Variants in KIF13B observed in about 807,000 individuals in gnomAD.
KIF13B encodes the protein kinesin family member 13B.
A neutral mutation model predicts 222.0 loss-of-function variants in KIF13B; 127 were observed. That is an observed-to-expected ratio of 0.57 (90% CI 0.50 to 0.66). The LOEUF is 0.66. Among genes scored for constraint, KIF13B ranks in the 30% least tolerant of loss-of-function variants. The pLI is 0.00. For missense variants in KIF13B, 2,173 were observed against 2,379.0 expected, an observed-to-expected ratio of 0.91 and a Z score of 1.80; for synonymous variants, 976 against 919.0, an observed-to-expected ratio of 1.06 and a Z score of -1.12.
intron 7 of KIF13B, among the ~76,000 whole-genome samples, chr8:29,180,858 G>A (rs1286037876): frequency 2.0e-5 from 3 of 151,556 alleles, no homozygotes; most frequent in Admixed American, 2.0e-4. Flanking sequence ...TAACCAACCT[G>A]GATTTTAACT....
intron 2 of KIF13B, 150 bp from the exon 3 acceptor site, chr8:29,196,349 C>T: frequency 2.9e-6 from 2 of 694,772 alleles, no homozygotes; most frequent in South Asian, 4.0e-5. Flanking sequence ...TTTGAAGCCA[C>T]ATAGTAATTT....
chr8:29,196,103 C>A, intron 3 of KIF13B, 84 bp downstream of exon 3: 1 of 1,159,258 alleles, frequency 8.6e-7, no homozygotes, highest in Non-Finnish European at 1.2e-6. Context: ...AAATATTTTC[C>A]TTTTTGAGAA....
At chr8:29,088,988 C>A (rs530826602) in intron 37 of KIF13B, among the ~76,000 whole-genome samples, 3 of 152,330 alleles carry the variant, frequency 2.0e-5, no homozygotes, top group Admixed American at 2.0e-4. Context: ...ATTTCTCTCT[C>A]CTTTGGAAAT....
Position 29,088,401 on chromosome 8 carries a change from T to C in KIF13B, c.4458+4344A>G, listed in dbSNP as rs781447177. Among the ~76,000 whole-genome samples the C allele has an allele frequency of 5.9e-5, 9 of 152,306 alleles. No homozygotes were observed. In the South Asian group the frequency reaches 6.2e-4, roughly 11 times the overall value. On this transcript the variant is annotated intron_variant, in intron 37 of 39. Coordinates refer to ENST00000524189, the MANE Select transcript of KIF13B (RefSeq NM_015254.4). ...TCTGCTAATCTAAACACCTTAAAAA[T>C]AGGGTCTTGCTGGGCAGGGTGGCTC... is the stretch of plus-strand genomic sequence containing the variant.
intron 2 of KIF13B, among the ~76,000 whole-genome samples, chr8:29,202,974 C>T (rs1422925682): frequency 1.3e-5 from 2 of 152,084 alleles, no homozygotes; most frequent in East Asian, 3.9e-4. Context: ...CTCAAGCATC[C>T]ATCCACTTGA....
In KIF13B at chr8:29,177,524, G is replaced by A. The variant is rs753393820; in HGVS notation, c.775C>T (p.Arg259Ter). 1.9e-6 allele frequency: 3 copies of A among 1,613,712 alleles called. No homozygotes were observed. The highest frequency in any genetic ancestry group is 1.7e-5 in the Admixed American group (1 of 59,998). Residue 259 changes from arginine (R) to a stop codon, truncating the protein, a stop_gained, in exon 9 of 40, where the codon CGA becomes TGA. Coordinates refer to ENST00000524189, the MANE Select transcript of KIF13B (RefSeq NM_015254.4). LOFTEE classifies it high-confidence loss of function. ...CCTGCAGCGCCTGTCTTCGTTGCTCGTTCACTGCCAGCTAAATCCACCAGG... is the reference window on the plus strand; with the variant it reads ...CCTGCAGCGCCTGTCTTCGTTGCTCATTCACTGCCAGCTAAATCCACCAGG... ...LSLVDLAGSE[R>*]ATKTGAAGDR...
intron 2 of KIF13B, among the ~76,000 whole-genome samples, chr8:29,238,317 G>A (rs930421617): frequency 2.0e-5 from 3 of 152,166 alleles, no homozygotes; most frequent in East Asian, 1.9e-4. Context: ...CAAGAGAAGT[G>A]TATGGACATG....
At chr8:29,123,021 G>A (rs962340217) in intron 28 of KIF13B, among the ~76,000 whole-genome samples, 11 of 152,098 alleles carry the variant, frequency 7.2e-5, no homozygotes, top group African/African-American at 1.4e-4. Context: ...AACCAAAATC[G>A]CGTGGAGATG....
At chr8:29,247,833 C>CAAAAAAAAAAAAAAAAAAAAAAAAAAA in intron 1 of KIF13B, among the ~76,000 whole-genome samples, 1 of 54,414 alleles carries the variant, frequency 1.8e-5, no homozygotes, top group Non-Finnish European at 3.9e-5. Flanking sequence ...GACCCTGTCT[C>CAAAAAAAAAAAAAAAAAAAAAAAAAAA]AAAAAAAAAA....
chr8:29,128,809 A>G (rs559322790), intron 24 of KIF13B, among the ~76,000 whole-genome samples: 206 of 152,326 alleles, frequency 1.4e-3, no homozygotes, highest in Admixed American at 2.5e-3. Context: ...TATTTCTACA[A>G]AAACAGCACT....
At chr8:29,155,577 G>A in intron 14 of KIF13B, 149 bp downstream of exon 14, 1 of 606,902 alleles carries the variant, frequency 1.6e-6, no homozygotes, top group Admixed American at 2.7e-5. Context: ...GGGTGTGAGA[G>A]GCATTAAAGC....
intron 13 of KIF13B, among the ~76,000 whole-genome samples, chr8:29,159,860 T>A (rs1016399018): frequency 6.6e-6 from 1 of 152,232 alleles, no homozygotes; most frequent in African/African-American, 2.4e-5. Flanking sequence ...ACCCAGGATC[T>A]CTCCAGGCTT....
chr8:29,112,093 G>A (rs973116199), intron 32 of KIF13B, among the ~76,000 whole-genome samples: 5 of 152,198 alleles, frequency 3.3e-5, no homozygotes, highest in Middle Eastern at 3.2e-3. Context: ...AGAGGCAAAA[G>A]CATTTTGCAA....
intron 1 of KIF13B, chr8:29,249,976 C>A: frequency 8.0e-7 from 1 of 1,248,498 alleles, no homozygotes; most frequent in Non-Finnish European, 1.1e-6. Context: ...TTCAAACATG[C>A]AATTTTACCT....
Position 29,232,101 on chromosome 8 carries a change from A to G in KIF13B, c.149+13245T>C, listed in dbSNP as rs1032866319. 2.0e-5 allele frequency among the ~76,000 whole-genome samples: 3 copies of G among 151,938 alleles called. No homozygotes were observed. In the East Asian group the frequency reaches 5.8e-4, roughly 29 times the overall value. ...GAAGCCCCATCTCTACAAAAAACAC[A>G]CAAAAATTAGCAGGGTATGGTGGTG... On this transcript the variant is annotated intron_variant, in intron 2 of 39. Coordinates refer to ENST00000524189, the MANE Select transcript of KIF13B (RefSeq NM_015254.4).
chr8:29,248,178 G>GC (rs1296808972), intron 1 of KIF13B, among the ~76,000 whole-genome samples: 2 of 152,056 alleles, frequency 1.3e-5, no homozygotes, highest in Non-Finnish European at 2.9e-5. Flanking sequence ...ATCTGACCCA[G>GC]CAATTCCACT....
At chr8:29,083,814 G>C (rs1318004977) in intron 37 of KIF13B, among the ~76,000 whole-genome samples, 2 of 152,020 alleles carry the variant, frequency 1.3e-5, no homozygotes, top group East Asian at 3.8e-4. Context: ...GTTTAAGATG[G>C]GTGGTATTAA....
intron 2 of KIF13B, among the ~76,000 whole-genome samples, chr8:29,203,508 T>C (rs1300587362): frequency 1.3e-5 from 2 of 152,174 alleles, no homozygotes; most frequent in Non-Finnish European, 2.9e-5. Context: ...CCATCCTCTG[T>C]CTCTAAAATC....
rs773143397 is a variant in KIF13B, at chr8:29,118,937, A to G, written c.3591T>C (p.Asp1197=). The change falls in exon 30 of 40, where the codon GAT becomes GAC. Residue 1197 remains aspartate, a synonymous_variant. Coordinates refer to ENST00000524189, the MANE Select transcript of KIF13B (RefSeq NM_015254.4). ...NLDDPEAGGW[D]ATLTGEEEEE... ...CTTCTTCTTCCCCAGTCAAGGTCGCATCCCATCCACCAGCTTCTGGGTCAT... is the reference window on the plus strand; with the variant it reads ...CTTCTTCTTCCCCAGTCAAGGTCGCGTCCCATCCACCAGCTTCTGGGTCAT... 6.2e-7 allele frequency: 1 copy of G among 1,613,964 alleles called. No homozygotes were observed. The highest frequency in any genetic ancestry group is 1.1e-5 in the South Asian group (1 of 91,086).
Sources: allele counts gnomAD v4.1 joint callset (sites outside exome capture counted in the v4.1 genomes callset), GRCh38; gene constraint gnomAD v4.1.1; transcripts MANE v1.5; gene names NCBI Gene and HGNC (gene_info 2026-07-23, HGNC 2026-07-21).